The following SLIT3 variants were observed in gnomAD, a reference collection of about 807,000 sequenced individuals.
SLIT3 encodes slit guidance ligand 3, also known as slit homolog 3 protein.
A neutral mutation model predicts 184.0 loss-of-function variants in SLIT3; 68 were observed. The ratio of observed to expected loss-of-function variants is 0.37; its 90% CI spans 0.30 to 0.45. SLIT3 has a LOEUF of 0.45. Ranked by LOEUF, SLIT3 falls within the 20% of genes least tolerant of loss-of-function variation. The probability of loss-of-function intolerance (pLI) is 1.00; values close to 1 mark genes in which losing one functional copy is unlikely to be tolerated. For missense variants in SLIT3, 1,707 were observed against 2,026.0 expected (o/e 0.84, Z 3.02); for synonymous variants, 831 against 828.6 (o/e 1.00, Z -0.05).
chr5:169,156,916 G>T (rs1414652657), intron 4 of SLIT3, among the ~76,000 whole-genome samples: 1 of 152,160 alleles, frequency 6.6e-6, no homozygotes, highest in Non-Finnish European at 1.5e-5. Context: ...CACAGATGGT[G>T]GTGAGTTCTC....
At position 168,852,060 on chromosome 5, in the gene SLIT3, C is replaced by T. The variant is rs962456298; in HGVS notation, c.486-7405G>A. Among the ~76,000 whole-genome samples the T allele has an allele frequency of 9.2e-5, 14 of 152,266 alleles. No homozygotes were observed. The South Asian group carries it at 1.0e-3, about 11-fold the overall frequency. ...TAAGAAGTATCAGTGTTTTACTTGC[C>T]GGCCTTGCTGATGTCATGAATACTC... On this transcript the variant is annotated intron_variant, in intron 5 of 35. Coordinates refer to ENST00000519560, the MANE Select transcript of SLIT3 (RefSeq NM_003062.4).
chr5:169,246,869 A>C (rs1170939142), intron 2 of SLIT3, among the ~76,000 whole-genome samples: 1 of 147,494 alleles, frequency 6.8e-6, no homozygotes, highest in Admixed American at 6.9e-5. Context: ...CAGTGAGCCA[A>C]GATCGTACCA....
chr5:169,290,205 G>T (rs1207210484), intron 1 of SLIT3, among the ~76,000 whole-genome samples: 2 of 150,684 alleles, frequency 1.3e-5, no homozygotes, highest in Non-Finnish European at 3.0e-5. Flanking sequence ...TAGGACATAT[G>T]CTAGGGCACA....
intron 4 of SLIT3, among the ~76,000 whole-genome samples, chr5:169,161,183 A>G (rs1176351798): frequency 6.6e-6 from 1 of 152,192 alleles, no homozygotes; most frequent in Non-Finnish European, 1.5e-5. Context: ...ACCATTTGGC[A>G]TCCCAGCGGT....
At chr5:168,964,996 C>G (rs1763136256) in intron 4 of SLIT3, among the ~76,000 whole-genome samples, 1 of 152,100 alleles carries the variant, frequency 6.6e-6, no homozygotes, top group South Asian at 2.1e-4. Context: ...TGAGACTCAC[C>G]CAGGGCACAT....
chr5:168,727,535 G>A (rs1018410736), intron 20 of SLIT3, among the ~76,000 whole-genome samples: 1 of 152,158 alleles, frequency 6.6e-6, no homozygotes, highest in Non-Finnish European at 1.5e-5. Context: ...AGAGGACAGT[G>A]GGAGACAGGG....
At position 169,154,073 on chromosome 5, in the gene SLIT3, C is replaced by T. The variant is rs182139711; in HGVS notation, c.413+39406G>A. Among the ~76,000 whole-genome samples, 7 of 151,020 alleles carry T rather than the reference C, an allele frequency of 4.6e-5. No individual in the cohort carries two copies. In the East Asian group the frequency reaches 8.0e-4, roughly 17 times the overall value. ...CTGCAAGCTCCACCTCCTGGGTTCA[C>T]GCCATTCTCCTGCCTCAGCCTCCTG... On this transcript the variant is annotated intron_variant, in intron 4 of 35. Coordinates refer to ENST00000519560, the MANE Select transcript of SLIT3 (RefSeq NM_003062.4).
chr5:169,187,417 A>T (rs903563915), intron 4 of SLIT3, among the ~76,000 whole-genome samples: 1 of 152,096 alleles, frequency 6.6e-6, no homozygotes, highest in Non-Finnish European at 1.5e-5. Context: ...GGCAGCAGCT[A>T]TAAGTTTTAA....
chr5:168,975,529 G>T (rs1055550469), intron 4 of SLIT3, among the ~76,000 whole-genome samples: 1 of 151,724 alleles, frequency 6.6e-6, no homozygotes, highest in Non-Finnish European at 1.5e-5. Flanking sequence ...CCACACATGG[G>T]CACGTATCTA....
At chr5:168,841,715 G>A (rs538759923) in intron 6 of SLIT3, among the ~76,000 whole-genome samples, 4 of 152,254 alleles carry the variant, frequency 2.6e-5, no homozygotes, top group East Asian at 3.9e-4. Context: ...CCATCCACAG[G>A]AGGGATGGAA....
intron 4 of SLIT3, among the ~76,000 whole-genome samples, chr5:169,104,310 C>A (rs1016687155): frequency 2.0e-5 from 3 of 152,158 alleles, no homozygotes; most frequent in Admixed American, 1.3e-4. Flanking sequence ...GCCTGAAGAG[C>A]AAAGGGGCAA....
intron 4 of SLIT3, among the ~76,000 whole-genome samples, chr5:168,977,467 A>G (rs142316772): frequency 3.3e-4 from 50 of 152,300 alleles, no homozygotes; most frequent in African/African-American, 1.0e-3. Flanking sequence ...CCTGGGTACA[A>G]TCTGGTAGGA....
rs116004499 is a variant in SLIT3 at position 169,029,811 on chromosome 5, A to G, written c.414-146475T>C. Reference sequence around the variant, plus strand: ...TGGTTGGGTTTGTGGAGAGGAATACACAATTCCAATGGAATCCACTGTAAT... The same window carrying G: ...TGGTTGGGTTTGTGGAGAGGAATACGCAATTCCAATGGAATCCACTGTAAT... On this transcript the variant is annotated intron_variant, in intron 4 of 35. Transcript: ENST00000519560. Among the ~76,000 whole-genome samples the G allele has an allele frequency of 6.8e-3, 1,029 of 152,332 alleles. 14 individuals are homozygous for G. The highest frequency in any genetic ancestry group is 0.024 in the African/African-American group (977 of 41,568).
rs189681253 is a variant in SLIT3 at position 169,067,039 on chromosome 5, G to A, written c.413+126440C>T. ...ATAAAACTAATTGTGATTATTATTC[G>A]CTTCCTGTTAGTCATTTTCAAAAAT... On this transcript the variant is annotated intron_variant, in intron 4 of 35. Transcript: ENST00000519560. 7.0e-4 allele frequency among the ~76,000 whole-genome samples: 105 copies of A among 150,736 alleles called. 1 individual carries two copies. The highest frequency in any genetic ancestry group is 2.9e-4 in the Non-Finnish European group (20 of 67,900).
At chr5:168,784,224 T>C (rs1287400766) in intron 12 of SLIT3, among the ~76,000 whole-genome samples, 1 of 152,226 alleles carries the variant, frequency 6.6e-6, no homozygotes, top group Non-Finnish European at 1.5e-5. Context: ...TACAGTTAAC[T>C]AGCCTTATGG....
At chr5:168,973,998 T>C (rs1458540664) in intron 4 of SLIT3, among the ~76,000 whole-genome samples, 1 of 152,210 alleles carries the variant, frequency 6.6e-6, no homozygotes, top group Non-Finnish European at 1.5e-5. Context: ...AAACCATAAT[T>C]ATGAAATCAT....
intron 4 of SLIT3, among the ~76,000 whole-genome samples, chr5:168,904,759 G>T (rs1760989942): frequency 6.6e-6 from 1 of 152,164 alleles, no homozygotes; most frequent in Non-Finnish European, 1.5e-5. Context: ...GGTCTCTGGG[G>T]GAGGGCAGTT....
At chr5:168,933,319 G>A (rs1298254788) in intron 4 of SLIT3, among the ~76,000 whole-genome samples, 2 of 152,276 alleles carry the variant, frequency 1.3e-5, no homozygotes, top group East Asian at 3.9e-4. Flanking sequence ...CAAGGCGGGT[G>A]GATCATGAGC....
chr5:169,147,976 T>TC (rs376978357), intron 4 of SLIT3, among the ~76,000 whole-genome samples: 19 of 152,178 alleles, frequency 1.2e-4, no homozygotes, highest in African/African-American at 4.6e-4. Flanking sequence ...CCCCTTTTTT[T>TC]CTTAGAGAAA....
Sources: allele counts gnomAD v4.1 joint callset (sites outside exome capture counted in the v4.1 genomes callset), GRCh38; gene constraint gnomAD v4.1.1; transcripts MANE v1.5; gene names NCBI Gene and HGNC (gene_info 2026-07-23, HGNC 2026-07-21).